Variants in AGAP1 observed in about 807,000 individuals in gnomAD.
The protein encoded by AGAP1 is ArfGAP with GTPase domain, ankyrin repeat and PH domain 1, also known as arf-GAP with GTPase, ANK repeat and PH domain-containing protein 1.
A neutral mutation model predicts 105.3 loss-of-function variants in AGAP1; 29 were observed. The ratio of observed to expected loss-of-function variants is 0.28; its 90% confidence interval spans 0.21 to 0.38. The LOEUF (loss-of-function observed/expected upper bound fraction) is 0.38. AGAP1 is among the 10% of genes least tolerant of loss of function. The pLI is 1.00. For synonymous variants in AGAP1, 509 were observed against 485.9 expected (o/e 1.05, Z -0.63); for missense variants, 998 against 1,165.1 (o/e 0.86, Z 2.09).
rs1419926388 is a variant in AGAP1 at position 235,964,392 on chromosome 2, AG to A, written c.1484-4069del. On this transcript the variant is annotated intron_variant, in intron 12 of 17. Coordinates refer to ENST00000304032, the MANE Select transcript of AGAP1 (RefSeq NM_001037131.3). This position sits in a 1 kb window ranked among gnomAD's most constrained non-coding sequence, Gnocchi z 4.6. ...GCTCTCTGAGGGCAAAGACAGTCAC[AG>A]TGACCATTGTTTCCCATGGCCTGGC... Among the ~76,000 whole-genome samples, 1 of 152,180 alleles carries A rather than the reference AG, an allele frequency of 6.6e-6. No individual in the cohort carries two copies. Among genetic ancestry groups the A allele is most frequent in the Non-Finnish European group, 1.5e-5 (1 of 68,038 alleles).
chr2:236,081,362 T>A (rs756804880), intron 16 of AGAP1, among the ~76,000 whole-genome samples: 6 of 152,152 alleles, frequency 3.9e-5, no homozygotes, highest in Non-Finnish European at 7.3e-5. Flanking sequence ...GTATGGAAGC[T>A]CAGTGGAGAA....
rs1254691824 is a variant in AGAP1 at position 235,620,046 on chromosome 2, T to C, written c.164-89133T>C. 1.3e-5 allele frequency among the ~76,000 whole-genome samples: 2 copies of C among 152,170 alleles called. No individual in the cohort carries two copies. The highest frequency in any genetic ancestry group is 2.9e-5 in the Non-Finnish European group (2 of 68,026). ...GCCTCCAGGTGTGGTGCTGCCTTCC[T>C]GGGCCTCTGCAGCACCTGCCCTCGG... On this transcript the variant is annotated intron_variant, in intron 1 of 17. Coordinates refer to ENST00000304032, the MANE Select transcript of AGAP1 (RefSeq NM_001037131.3). This position sits in a 1 kb window ranked among gnomAD's most constrained non-coding sequence, Gnocchi z 4.5.
chr2:235,585,834 C>T (rs933866128), intron 1 of AGAP1, among the ~76,000 whole-genome samples: 4 of 152,248 alleles, frequency 2.6e-5, no homozygotes, highest in Non-Finnish European at 4.4e-5. Flanking sequence ...TTATTTTGCG[C>T]GGACCCGAAA....
chr2:235,658,723 T>C (rs975630704), intron 1 of AGAP1, among the ~76,000 whole-genome samples: 3 of 152,200 alleles, frequency 2.0e-5, no homozygotes, highest in Non-Finnish European at 4.4e-5. Context: ...AAACGGGGAC[T>C]TCCCTGGTGA....
At chr2:235,779,111 CCT>C (rs912873580) in intron 6 of AGAP1, among the ~76,000 whole-genome samples, 2 of 152,064 alleles carry the variant, frequency 1.3e-5, no homozygotes, top group Non-Finnish European at 2.9e-5. Context: ...GCTCCCCACC[CCT>C]GTTAGGCAAC....
Position 235,582,445 on chromosome 2 carries a change from C to T in AGAP1, c.163+87596C>T, listed in dbSNP as rs1252442072. On this transcript the variant is annotated intron_variant, in intron 1 of 17. Transcript: ENST00000304032. This position sits in a 1 kb window ranked among gnomAD's most constrained non-coding sequence, Gnocchi z 4.7. ...GCCTCATTGAGAAGCATGGGTGTCC[C>T]CTTAGACATCATGGGAGCTCATTGC... 6.6e-5 allele frequency among the ~76,000 whole-genome samples: 10 copies of T among 152,098 alleles called. No homozygotes were observed. Among genetic ancestry groups the T allele is most frequent in the Non-Finnish European group, 1.5e-5 (1 of 68,034 alleles).
In AGAP1 at chr2:235,721,010, T is replaced by C. The variant is rs904115812; in HGVS notation, c.310+3366T>C. On this transcript the variant is annotated intron_variant, in intron 3 of 17. Transcript: ENST00000304032. The surrounding 1 kb of genome is among the most constrained non-coding windows in gnomAD (Gnocchi z 4.5). The stretch of plus-strand genomic sequence containing the variant: ...ACAAGATTTAGATTATTTTATTTTA[T>C]TTATTTATTTATTTTGAGATGGAGT... Among the ~76,000 whole-genome samples the C allele has an allele frequency of 4.6e-5, 7 of 152,156 alleles. No individual in the cohort carries two copies. Among genetic ancestry groups the C allele is most frequent in the Admixed American group, 3.3e-4 (5 of 15,276 alleles).
At chr2:235,613,122 A>C (rs989878906) in intron 1 of AGAP1, among the ~76,000 whole-genome samples, 10 of 149,414 alleles carry the variant, frequency 6.7e-5, no homozygotes, top group African/African-American at 2.2e-4. Context: ...CTGCCTCCTG[A>C]GTAGCTGGGA....
At chr2:235,763,479 T>C (rs1311880804) in intron 6 of AGAP1, among the ~76,000 whole-genome samples, 2 of 152,192 alleles carry the variant, frequency 1.3e-5, no homozygotes, top group Non-Finnish European at 2.9e-5. Flanking sequence ...TCCCTCTGTA[T>C]TTGATTTAGA....
chr2:235,654,598 A>G (rs1483926298), intron 1 of AGAP1, among the ~76,000 whole-genome samples: 1 of 152,210 alleles, frequency 6.6e-6, no homozygotes, highest in Non-Finnish European at 1.5e-5. Context: ...CTGTTAGTGG[A>G]GATAAAGTGA....
At chr2:235,946,744 G>A (rs1034169828) in intron 12 of AGAP1, among the ~76,000 whole-genome samples, 2 of 152,024 alleles carry the variant, frequency 1.3e-5, no homozygotes, top group Non-Finnish European at 2.9e-5. Flanking sequence ...CATTGAAATC[G>A]CCAGGCGTCA....
intron 1 of AGAP1, among the ~76,000 whole-genome samples, chr2:235,544,247 G>A (rs1428981891): frequency 6.6e-6 from 1 of 152,132 alleles, no homozygotes; most frequent in Non-Finnish European, 1.5e-5. Context: ...AGTGGTCCAG[G>A]GCTGGTCAGG....
chr2:235,701,937 A>G lies in AGAP1; in HGVS notation c.164-7242A>G, dbSNP rs1193937930. ...TACGGCTGCTTTAAACTAAAAATAAATGCTCCTCCCCTTTTCTGTGCTAAA... is the reference window on the plus strand; with the variant it reads ...TACGGCTGCTTTAAACTAAAAATAAGTGCTCCTCCCCTTTTCTGTGCTAAA... On this transcript the variant is annotated intron_variant, in intron 1 of 17. Coordinates refer to ENST00000304032, the MANE Select transcript of AGAP1 (RefSeq NM_001037131.3). The surrounding 1 kb of genome is among the most constrained non-coding windows in gnomAD (Gnocchi z 4.1). Among the ~76,000 whole-genome samples the G allele has an allele frequency of 6.6e-6, 1 of 152,174 alleles. No individual in the cohort carries two copies. The highest frequency in any genetic ancestry group is 1.5e-5 in the Non-Finnish European group (1 of 68,038).
chr2:236,083,236 G>A lies in AGAP1; in HGVS notation c.2114+33955G>A, dbSNP rs1000378416. On this transcript the variant is annotated intron_variant, in intron 16 of 17. Transcript: ENST00000304032. This position sits in a 1 kb window ranked among gnomAD's most constrained non-coding sequence, Gnocchi z 5.3. ...GCCAAAGAAAGGGCTGTTGTCAGTCGCCGAGGCTTCGGTCTCAGGTTTTTC... is the reference window on the plus strand; with the variant it reads ...GCCAAAGAAAGGGCTGTTGTCAGTCACCGAGGCTTCGGTCTCAGGTTTTTC... 2.6e-5 allele frequency among the ~76,000 whole-genome samples: 4 copies of A among 152,284 alleles called. No individual in the cohort carries two copies. Among genetic ancestry groups the A allele is most frequent in the South Asian group, 2.1e-4 (1 of 4,818 alleles).
Position 235,655,482 on chromosome 2 carries a change from A to G in AGAP1, c.164-53697A>G, listed in dbSNP as rs1947742828. Among the ~76,000 whole-genome samples, 1 of 152,158 alleles carries G rather than the reference A, an allele frequency of 6.6e-6. No homozygotes were observed. Among genetic ancestry groups the G allele is most frequent in the South Asian group, 2.1e-4 (1 of 4,836 alleles). On this transcript the variant is annotated intron_variant, in intron 1 of 17. Coordinates refer to ENST00000304032, the MANE Select transcript of AGAP1 (RefSeq NM_001037131.3). The surrounding 1 kb of genome is among the most constrained non-coding windows in gnomAD (Gnocchi z 4.3). ...CAGGTGCCCAGTCCTTCATTGCCTC[A>G]TGGGCTCTCTAGTCTTACTTTTGAT...
At chr2:235,909,543 C>A (rs915673065) in intron 11 of AGAP1, among the ~76,000 whole-genome samples, 1 of 152,076 alleles carries the variant, frequency 6.6e-6, no homozygotes, top group Non-Finnish European at 1.5e-5. Context: ...AAATAATTGC[C>A]CTGTGTCATG....
At chr2:236,115,536 C>T (rs927371791) in intron 16 of AGAP1, among the ~76,000 whole-genome samples, 4 of 152,214 alleles carry the variant, frequency 2.6e-5, no homozygotes, top group Non-Finnish European at 5.9e-5. Context: ...CCCCTGGTAT[C>T]TGGATGGGAG....
chr2:235,940,541 G>A (rs563701220), intron 12 of AGAP1, among the ~76,000 whole-genome samples: 29 of 152,296 alleles, frequency 1.9e-4, no homozygotes, highest in African/African-American at 6.3e-4. Context: ...TCAGGCTTCC[G>A]CCCAGACGTC....
chr2:235,715,305 G>GT, intron 2 of AGAP1, among the ~76,000 whole-genome samples: 1 of 152,194 alleles, frequency 6.6e-6, no homozygotes, highest in Admixed American at 6.5e-5. Flanking sequence ...TTCGGAGCTG[G>GT]TGTCTTGGCC....
Sources: allele counts gnomAD v4.1 joint callset (sites outside exome capture counted in the v4.1 genomes callset), GRCh38; gene constraint gnomAD v4.1.1; non-coding constraint Gnocchi (gnomAD v3.1); transcripts MANE v1.5; gene names NCBI Gene and HGNC (gene_info 2026-07-23, HGNC 2026-07-21).